Variants in MYO3A observed in about 807,000 individuals in gnomAD.
The protein encoded by MYO3A is myosin IIIA, also known as myosin-IIIa.
In MYO3A, 180 loss-of-function variants were observed where a neutral mutation model predicts 192.7. The observed-to-expected ratio is 0.93, with a 90% confidence interval of 0.83 to 1.06. MYO3A has a LOEUF of 1.06. Among genes scored for constraint, MYO3A ranks in the 50% least tolerant of loss-of-function variants. The pLI is 0.00. For synonymous variants in MYO3A, 628 were observed against 645.3 expected (o/e 0.97, Z 0.41); for missense variants, 1,896 against 1,905.0 (o/e 1.00, Z 0.09).
rs116245687 is a variant in MYO3A, at chr10:26,185,202, C to T, written c.4439-8003C>T. On this transcript the variant is annotated intron_variant, in intron 31 of 34. Coordinates refer to ENST00000642920, the MANE Select transcript of MYO3A (RefSeq NM_017433.5). ...AAGAAACAATGTCAAGAAGCTAACA[C>T]TAAAGCAGATTAGATTTTCAGAAAT... is the stretch of plus-strand genomic sequence containing the variant. 4.9e-3 allele frequency among the ~76,000 whole-genome samples: 747 copies of T among 152,128 alleles called. 8 individuals are homozygous for T. The highest frequency in any genetic ancestry group is 0.017 in the African/African-American group (719 of 41,506).
chr10:25,996,085 T>G (rs1840417620), intron 4 of MYO3A, among the ~76,000 whole-genome samples: 1 of 152,262 alleles, frequency 6.6e-6, no homozygotes, highest in Non-Finnish European at 1.5e-5. Flanking sequence ...TGTTTGGCTA[T>G]GCCCTGCCCC....
At chr10:26,042,645 T>C (rs557558908) in intron 10 of MYO3A, among the ~76,000 whole-genome samples, 3 of 152,354 alleles carry the variant, frequency 2.0e-5, no homozygotes, top group Admixed American at 1.3e-4. Flanking sequence ...CCAGAATTTC[T>C]GTTTGATTAT....
chr10:26,110,971 C>T (rs1342239733), intron 17 of MYO3A, among the ~76,000 whole-genome samples: 2 of 150,710 alleles, frequency 1.3e-5, no homozygotes, highest in African/African-American at 4.9e-5. Flanking sequence ...CTCAATCTGT[C>T]CTCCCACTTC....
chr10:26,188,471 G>A (rs901946289), intron 31 of MYO3A, among the ~76,000 whole-genome samples: 2 of 152,084 alleles, frequency 1.3e-5, no homozygotes, highest in Admixed American at 6.6e-5. Context: ...TAGTTTCTTT[G>A]GCTGTGCAGA....
intron 10 of MYO3A, among the ~76,000 whole-genome samples, chr10:26,061,995 A>G (rs1351977942): frequency 1.3e-5 from 2 of 152,150 alleles, no homozygotes; most frequent in African/African-American, 2.4e-5. Context: ...TACTTGTTCA[A>G]TTCAGCAAAT....
At chr10:26,155,321 G>C (rs752544084) in intron 25 of MYO3A, among the ~76,000 whole-genome samples, 10 of 152,200 alleles carry the variant, frequency 6.6e-5, no homozygotes, top group Admixed American at 2.0e-4. Flanking sequence ...GTGCTTAAGA[G>C]AGTGTGCTTA....
At chr10:26,163,079 C>T (rs957745640) in intron 26 of MYO3A, among the ~76,000 whole-genome samples, 4 of 152,100 alleles carry the variant, frequency 2.6e-5, no homozygotes, top group Non-Finnish European at 4.4e-5. Context: ...GACTGGAGCT[C>T]GGAGTGTCAT....
chr10:25,941,077 A>G (rs957600754), intron 2 of MYO3A, among the ~76,000 whole-genome samples: 1 of 152,236 alleles, frequency 6.6e-6, no homozygotes, highest in African/African-American at 2.4e-5. Flanking sequence ...AATGCCATAT[A>G]GTTCAACAGA....
intron 21 of MYO3A, among the ~76,000 whole-genome samples, chr10:26,144,552 C>T (rs180818452): frequency 1.9e-4 from 29 of 151,922 alleles, no homozygotes; most frequent in Non-Finnish European, 3.4e-4. Flanking sequence ...ATAAGTTCTC[C>T]GAAGGTGGCA....
rs2132036988 is a variant in MYO3A at position 26,174,032 on chromosome 10, A to G, written c.3768A>G (p.Ala1256=). 1.2e-6 allele frequency: 2 copies of G among 1,613,292 alleles called. No individual in the cohort carries two copies. The highest frequency in any genetic ancestry group is 2.2e-5 in the East Asian group (1 of 44,886). Residue 1256 remains alanine (A), a synonymous_variant, in exon 30 of 35, where the codon GCA becomes GCG. Coordinates refer to ENST00000642920, the MANE Select transcript of MYO3A (RefSeq NM_017433.5). ...GGAATTGTGAAGAGTCAAAAGCAGC[A>G]TATCTAGAAAGGAAGGCCATATCAG... ...EERNCEESKA[A]YLERKAISER...
chr10:26,050,415 G>T (rs915855698), intron 10 of MYO3A, among the ~76,000 whole-genome samples: 10 of 152,188 alleles, frequency 6.6e-5, no homozygotes, highest in Admixed American at 5.2e-4. Flanking sequence ...AATGGTGTTT[G>T]TCCCACAGAA....
chr10:26,077,942 A>G (rs1037465754), intron 14 of MYO3A, among the ~76,000 whole-genome samples: 1 of 152,174 alleles, frequency 6.6e-6, no homozygotes, highest in African/African-American at 2.4e-5. Context: ...CATCAAGGAT[A>G]TAGGTCTGTA....
At chr10:26,144,447 G>A (rs1840338767) in intron 21 of MYO3A, among the ~76,000 whole-genome samples, 2 of 151,036 alleles carry the variant, frequency 1.3e-5, no homozygotes, top group South Asian at 2.1e-4. Context: ...CCTCAAATTG[G>A]ACAATACTAG....
intron 4 of MYO3A, among the ~76,000 whole-genome samples, chr10:25,981,417 C>A (rs1839321101): frequency 6.6e-6 from 1 of 151,868 alleles, no homozygotes; most frequent in Admixed American, 6.6e-5. Context: ...AATTTAGACA[C>A]AAAAAGGCAC....
intron 31 of MYO3A, among the ~76,000 whole-genome samples, chr10:26,185,904 A>G (rs764264533): frequency 4.6e-5 from 7 of 152,202 alleles, no homozygotes; most frequent in Non-Finnish European, 8.8e-5. Context: ...GCTTTTCTCA[A>G]TACCTTTGCA....
At chr10:26,072,982 A>G (rs936041024) in intron 14 of MYO3A, among the ~76,000 whole-genome samples, 1 of 152,228 alleles carries the variant, frequency 6.6e-6, no homozygotes, top group Admixed American at 6.5e-5. Flanking sequence ...ACAGTGAAAT[A>G]TTACTCAGCA....
intron 14 of MYO3A, among the ~76,000 whole-genome samples, chr10:26,078,609 G>T (rs2131443707): frequency 6.6e-6 from 1 of 151,990 alleles, no homozygotes; most frequent in Admixed American, 6.5e-5. Flanking sequence ...TAGAATGTCA[G>T]TTTGTGTTCT....
intron 4 of MYO3A, among the ~76,000 whole-genome samples, chr10:25,986,692 C>T (rs371540460): frequency 2.0e-5 from 3 of 152,018 alleles, no homozygotes; most frequent in South Asian, 2.1e-4. Context: ...ACTACAAAAC[C>T]GTGCTGAAAG....
In MYO3A at chr10:26,096,378, C is replaced by T; in HGVS notation, c.1563-3C>T. On this transcript the variant is annotated splice_polypyrimidine_tract_variant and splice_region_variant and intron_variant, in intron 15 of 34. Transcript: ENST00000642920. ...ACCTTACTGTAAATATCTTTTTTTC[C>T]AGTGGAGAAAAAAATTTTCATATTT... 6.3e-7 allele frequency: 1 copy of T among 1,590,070 alleles called. No individual in the cohort carries two copies.
Sources: gnomAD v4.1 joint callset for allele counts (sites outside exome capture counted in the v4.1 genomes callset) on GRCh38, gnomAD v4.1.1 for gene constraint, MANE v1.5 for transcripts, NCBI Gene and HGNC (gene_info 2026-07-23, HGNC 2026-07-21) for gene names.